The following RIPOR2 variants were observed in gnomAD, a reference collection of about 807,000 sequenced individuals.
The protein encoded by RIPOR2 is rho family-interacting cell polarization regulator 2.
A neutral mutation model predicts 114.5 loss-of-function variants in RIPOR2; 39 were observed. The observed-to-expected ratio is 0.34, with a 90% CI of 0.26 to 0.44. The LOEUF is 0.44. Ranked by LOEUF, RIPOR2 falls within the 20% of genes least tolerant of loss-of-function variation. RIPOR2 has a pLI of 1.00. For missense variants in RIPOR2, 1,007 were observed against 1,255.1 expected (o/e 0.80, Z 2.99); for synonymous variants, 445 against 484.4 (o/e 0.92, Z 1.07).
At chr6:24,824,512 T>C (rs1454325740) in intron 19 of RIPOR2, among the ~76,000 whole-genome samples, 1 of 152,178 alleles carries the variant, frequency 6.6e-6, no homozygotes, top group Non-Finnish European at 1.5e-5. Flanking sequence ...AATGACAGTA[T>C]AAATTGTAAA....
intron 7 of RIPOR2, among the ~76,000 whole-genome samples, chr6:24,862,601 C>G (rs1295579689): frequency 6.6e-6 from 1 of 152,192 alleles, no homozygotes; most frequent in African/African-American, 2.4e-5. Flanking sequence ...AGCTTGAAAG[C>G]CTTGAAAACA....
chr6:24,948,959 A>C (rs1288761676), intron 1 of RIPOR2, among the ~76,000 whole-genome samples: 2 of 151,654 alleles, frequency 1.3e-5, no homozygotes, highest in African/African-American at 4.9e-5. Context: ...CCTCTCTCCA[A>C]CCCTCTCCCT....
Position 24,872,935 on chromosome 6 carries a change from C to A in RIPOR2, c.369G>T (p.Thr123=). 1 of 1,611,748 alleles carries A rather than the reference C, an allele frequency of 6.2e-7. No homozygotes were observed. The highest frequency in any genetic ancestry group is 1.3e-5 in the African/African-American group (1 of 75,018). ...ACTGAGCTGTCAACTTGTCCAGCTCCGTCTGGTGAACCTCCAGATATTCAC... is the reference window on the plus strand; with the variant it reads ...ACTGAGCTGTCAACTTGTCCAGCTCAGTCTGGTGAACCTCCAGATATTCAC... ...GLDEYLEVHQ[T]ELDKLTAQLK... The change falls in exon 4 of 22, where the codon ACG becomes ACT. Residue 123 remains threonine (T), a synonymous_variant. Transcript: ENST00000643898.
chr6:24,939,697 GA>G (rs1441846669), upstream of RIPOR2, among the ~76,000 whole-genome samples: 1 of 152,192 alleles, frequency 6.6e-6, no homozygotes, highest in Non-Finnish European at 1.5e-5. Context: ...TTTTCACTAA[GA>G]AATGAGGAGT....
intron 1 of RIPOR2, among the ~76,000 whole-genome samples, chr6:24,989,263 G>A (rs1301743606): frequency 6.6e-6 from 1 of 150,752 alleles, no homozygotes; most frequent in Non-Finnish European, 1.5e-5. Flanking sequence ...ATACTTATAA[G>A]TATATATTTT....
chr6:24,983,780 A>AAAAAAAAC (rs1425859869), intron 1 of RIPOR2, among the ~76,000 whole-genome samples: 2 of 150,694 alleles, frequency 1.3e-5, no homozygotes, highest in African/African-American at 4.9e-5. Context: ...AAAAAAAAAA[A>AAAAAAAAC]AGCCTTGAGT....
chr6:24,890,609 G>A (rs1298357514), intron 1 of RIPOR2, among the ~76,000 whole-genome samples: 1 of 151,724 alleles, frequency 6.6e-6, no homozygotes, highest in Admixed American at 6.6e-5. Context: ...TGCAAACTAT[G>A]CATGTAACAA....
intron 1 of RIPOR2, among the ~76,000 whole-genome samples, chr6:24,945,761 G>T (rs1258079521): frequency 2.0e-5 from 3 of 152,034 alleles, no homozygotes; most frequent in East Asian, 1.9e-4. Flanking sequence ...TGTAGTAAAA[G>T]AACCAATAGA....
At chr6:24,997,903 C>T (rs149418963) in intron 1 of RIPOR2, among the ~76,000 whole-genome samples, 177 of 152,268 alleles carry the variant, frequency 1.2e-3, no homozygotes, top group Middle Eastern at 0.01. Context: ...CTACTGAAAC[C>T]AAAACTTTGC....
upstream of RIPOR2, among the ~76,000 whole-genome samples, chr6:24,937,488 A>G (rs762689485): frequency 6.6e-6 from 1 of 151,974 alleles, no homozygotes; most frequent in Non-Finnish European, 1.5e-5. Flanking sequence ...TGACCCTTTT[A>G]CCACCCCCTA....
At chr6:24,840,311 C>A (rs765968771) in intron 13 of RIPOR2, 241 of 1,047,506 alleles carry the variant, frequency 2.3e-4, no homozygotes, top group Non-Finnish European at 2.7e-4. Context: ...AAGAAGCAGC[C>A]CTGCTTCCTC....
chr6:24,832,726 G>A (rs1760782960), intron 15 of RIPOR2, among the ~76,000 whole-genome samples: 1 of 152,296 alleles, frequency 6.6e-6, no homozygotes, highest in East Asian at 1.9e-4. Context: ...CTGTGTCTTG[G>A]TGTGTAAGCA....
At position 24,833,513 on chromosome 6, in the gene RIPOR2, CA is replaced by C. The variant is rs556534184; in HGVS notation, c.2209-1123del. 1.5e-4 allele frequency among the ~76,000 whole-genome samples: 22 copies of C among 151,040 alleles called. No individual in the cohort carries two copies. In the South Asian group the frequency reaches 4.2e-3, roughly 29 times the overall value. ...GAGATTGTCTCAAAAAAAACAAAAA[CA>C]AAAACAACAACAACAAAAAAACAAA... On this transcript the variant is annotated intron_variant, in intron 15 of 21. Transcript: ENST00000643898.
intron 1 of RIPOR2, among the ~76,000 whole-genome samples, chr6:25,011,028 C>A (rs962917609): frequency 1.3e-5 from 2 of 152,130 alleles, no homozygotes; most frequent in African/African-American, 4.8e-5. Flanking sequence ...TCCCTTATAT[C>A]TTCTGCCTTC....
In RIPOR2 at chr6:24,905,414, T is replaced by C. The variant is rs566145026; in HGVS notation, c.62-29597A>G. ...AGACAACTCTAAATTAGATGAGAAC[T>C]TGGGAGGATACAGATCAAATTGGCT... On this transcript the variant is annotated intron_variant, in intron 1 of 21. Transcript: ENST00000643898. Among the ~76,000 whole-genome samples the C allele has an allele frequency of 2.6e-5, 4 of 151,894 alleles. No homozygotes were observed. In the East Asian group the frequency reaches 7.8e-4, roughly 30 times the overall value.
chr6:24,865,534 T>C, intron 6 of RIPOR2, 84 bp from the exon 7 acceptor site: 5 of 1,186,634 alleles, frequency 4.2e-6, no homozygotes, highest in Non-Finnish European at 5.8e-6. Flanking sequence ...TTAATTTACT[T>C]TATATTTCTG....
In RIPOR2 at chr6:24,806,110, T is replaced by C. The variant is rs9393586; in HGVS notation, c.*263A>G. ...GACTACAGGTGCATGCCACCACGCCTGACTAATTAAACTATTTTTTTTGTA... is the reference window on the plus strand; with the variant it reads ...GACTACAGGTGCATGCCACCACGCCCGACTAATTAAACTATTTTTTTTGTA... On this transcript the variant is annotated 3_prime_UTR_variant, in exon 22 of 22. Coordinates refer to ENST00000643898, the MANE Select transcript of RIPOR2 (RefSeq NM_001286445.3). 191,404 of 413,228 alleles carry C rather than the reference T, an allele frequency of 0.46. 46,807 individuals are homozygous for C. The highest frequency in any genetic ancestry group is 0.52 in the Non-Finnish European group (120,723 of 231,804). 25.6% of individuals were successfully genotyped at this position (413,228 alleles called of 1,614,324 possible). A position where few individuals can be genotyped will look rare whatever the true frequency, so the allele number is the denominator to read the frequency against.
intron 1 of RIPOR2, among the ~76,000 whole-genome samples, chr6:25,040,116 TCTA>T (rs1360575372): frequency 7.6e-6 from 1 of 132,242 alleles, no homozygotes; most frequent in Non-Finnish European, 1.6e-5. Context: ...GTGATAGACT[TCTA>T]CTTTTTTTTT....
chr6:24,843,698 CGTGT>C lies in RIPOR2; in HGVS notation c.1165-148_1165-145del, dbSNP rs34540028. The C allele has an allele frequency of 0.32, 117,798 of 366,834 alleles. 13,721 individuals carry two copies. Among genetic ancestry groups the C allele is most frequent in the Non-Finnish European group, 0.36 (73,001 of 205,622 alleles). The allele number at this position is 366,834 out of a possible 1,614,324, so 22.7% of individuals were successfully genotyped here. On this transcript the variant is annotated intron_variant, in intron 12 of 21. Transcript: ENST00000643898. ...ATGTTAGCATTTTATTTGTTGATGCCGTGTGTGTGTGTGTGTGTGTGTGTGTGTG... is the reference window on the plus strand; with the variant it reads ...ATGTTAGCATTTTATTTGTTGATGCCGTGTGTGTGTGTGTGTGTGTGTGTG...
Sources: allele counts gnomAD v4.1 joint callset (sites outside exome capture counted in the v4.1 genomes callset), GRCh38; gene constraint gnomAD v4.1.1; transcripts MANE v1.5; gene names NCBI Gene and HGNC (gene_info 2026-07-23, HGNC 2026-07-21).